Variants in PRDM5 observed in about 807,000 individuals in gnomAD.
The protein encoded by PRDM5 is PR/SET domain 5.
PRDM5 carries 56 observed loss-of-function variants against 81.2 expected under a neutral mutation model. That is an observed-to-expected ratio of 0.69 (90% CI 0.56 to 0.86). PRDM5 has a LOEUF of 0.86. Ranked by LOEUF, PRDM5 falls within the 40% of genes least tolerant of loss-of-function variation. The pLI is 0.00. For missense variants in PRDM5, 697 were observed against 770.1 expected (o/e 0.91, Z 1.12); for synonymous variants, 267 against 256.4 (o/e 1.04, Z -0.39).
In PRDM5 at chr4:120,746,250, A is replaced by AT. The variant is rs1210536167; in HGVS notation, c.1623+8302dup. The stretch of plus-strand genomic sequence containing the variant: ...GCCATATGTAGAAAGCTGAAACTGG[A>AT]TCCCTTCCTTACACCTTATACAAAA... On this transcript the variant is annotated intron_variant, in intron 14 of 15. Coordinates refer to ENST00000264808, the MANE Select transcript of PRDM5 (RefSeq NM_018699.4). 2.7e-3 allele frequency among the ~76,000 whole-genome samples: 358 copies of AT among 134,828 alleles called. 1 individual carries two copies. Among genetic ancestry groups the AT allele is most frequent in the African/African-American group, 9.7e-3 (340 of 35,042 alleles). The allele number at this position is 134,828 out of a possible 152,430, so 88.5% of individuals were successfully genotyped here.
At chr4:120,887,615 C>A (rs1252303171) in intron 2 of PRDM5, among the ~76,000 whole-genome samples, 1 of 152,128 alleles carries the variant, frequency 6.6e-6, no homozygotes, top group East Asian at 1.9e-4. Flanking sequence ...TAACCATTAG[C>A]CTAGCTGCTT....
chr4:120,868,914 C>T (rs1761488904), intron 2 of PRDM5, among the ~76,000 whole-genome samples: 1 of 152,116 alleles, frequency 6.6e-6, no homozygotes, highest in Non-Finnish European at 1.5e-5. Context: ...ATGTCACCTA[C>T]AATCTACTCA....
chr4:120,829,878 G>C (rs1756497926), intron 3 of PRDM5, among the ~76,000 whole-genome samples: 1 of 151,850 alleles, frequency 6.6e-6, no homozygotes. Context: ...AAAAGTCTCT[G>C]GACTGCTATC....
rs1019190731 is a variant in PRDM5 at position 120,731,717 on chromosome 4, C to T, written c.1624-21304G>A. On this transcript the variant is annotated intron_variant, in intron 14 of 15. Coordinates refer to ENST00000264808, the MANE Select transcript of PRDM5 (RefSeq NM_018699.4). Reference sequence around the variant, plus strand: ...GGCGTATCCTGTTACCTTCTCTTGCCTCCTCCTTCCTGTTGCCTGGAATGA... The same window carrying T: ...GGCGTATCCTGTTACCTTCTCTTGCTTCCTCCTTCCTGTTGCCTGGAATGA... The T allele has an allele frequency of 4.6e-5, 7 of 152,224 alleles. No homozygotes were observed. In the East Asian group the frequency reaches 1.2e-3, roughly 25 times the overall value. 9.4% of individuals were successfully genotyped at this position (152,224 alleles called of 1,614,324 possible). A position where few individuals can be genotyped will look rare whatever the true frequency, so the allele number is the denominator to read the frequency against.
At chr4:120,835,492 G>A (rs903951351) in intron 3 of PRDM5, among the ~76,000 whole-genome samples, 2 of 152,292 alleles carry the variant, frequency 1.3e-5, no homozygotes, top group East Asian at 3.9e-4. Context: ...GTTGTGGGAG[G>A]TAACTCATAG....
intron 12 of PRDM5, among the ~76,000 whole-genome samples, chr4:120,779,741 A>C (rs1748733526): frequency 6.6e-6 from 1 of 152,106 alleles, no homozygotes; most frequent in South Asian, 2.1e-4. Flanking sequence ...GTCTCTACTA[A>C]AAATACAAAA....
At chr4:120,711,955 A>AT (rs902945177) in intron 14 of PRDM5, among the ~76,000 whole-genome samples, 6 of 152,120 alleles carry the variant, frequency 3.9e-5, no homozygotes, top group Admixed American at 1.3e-4. Flanking sequence ...AGTGAGATCC[A>AT]TTTTTTTAAT....
At chr4:120,723,036 T>G (rs1182300194) in intron 14 of PRDM5, among the ~76,000 whole-genome samples, 1 of 152,182 alleles carries the variant, frequency 6.6e-6, no homozygotes, top group Non-Finnish European at 1.5e-5. Flanking sequence ...TTTGGTTAGT[T>G]TGGGATAAAA....
chr4:120,899,533 G>A (rs1175351491), intron 2 of PRDM5, among the ~76,000 whole-genome samples: 1 of 152,134 alleles, frequency 6.6e-6, no homozygotes, highest in African/African-American at 2.4e-5. Flanking sequence ...ATTATTGCAT[G>A]CTGTAGGGAT....
Position 120,781,184 on chromosome 4 carries a change from T to A in PRDM5, c.1402A>T (p.Lys468Ter). Residue 468 changes from lysine to a stop codon, truncating the protein, a stop_gained, in exon 12 of 16, where the codon AAG becomes TAG. Coordinates refer to ENST00000264808, the MANE Select transcript of PRDM5 (RefSeq NM_018699.4). LOFTEE classifies it high-confidence loss of function. ...HKKYRCELCN[K>*]AFVTPSVLRS... ...AGCACTGAAGGTGTAACAAAGGCCT[T>A]ATTACATAGCTCACACCTATACTTC... 1 of 1,613,534 alleles carries A rather than the reference T, an allele frequency of 6.2e-7. No homozygotes were observed. Among genetic ancestry groups the A allele is most frequent in the Non-Finnish European group, 8.5e-7 (1 of 1,179,614 alleles).
chr4:120,904,206 C>CA (rs1157460080), intron 2 of PRDM5, among the ~76,000 whole-genome samples: 1 of 108,244 alleles, frequency 9.2e-6, no homozygotes, highest in Non-Finnish European at 1.7e-5. Flanking sequence ...AAAAAAAAAA[C>CA]AAAAAAACCT....
At chr4:120,703,182 G>GTTTGGT (rs1374711518) in intron 15 of PRDM5, among the ~76,000 whole-genome samples, 2 of 151,468 alleles carry the variant, frequency 1.3e-5, no homozygotes, top group East Asian at 3.9e-4. Context: ...TTTGTTTTTT[G>GTTTGGT]TTTTGTTTTT....
intron 2 of PRDM5, among the ~76,000 whole-genome samples, chr4:120,882,684 G>A (rs1345225313): frequency 6.6e-6 from 1 of 152,000 alleles, no homozygotes; most frequent in Non-Finnish European, 1.5e-5. Context: ...ATCTACAAAG[G>A]TATTATTGGA....
chr4:120,883,523 T>C lies in PRDM5; in HGVS notation c.177+23951A>G, dbSNP rs1248026121. 4.8e-5 allele frequency among the ~76,000 whole-genome samples: 7 copies of C among 145,078 alleles called. No individual in the cohort carries two copies. In the East Asian group the frequency reaches 1.2e-3, roughly 25 times the overall value. On this transcript the variant is annotated intron_variant, in intron 2 of 15. Transcript: ENST00000264808. ...AGAATCCAAAATACTTATCTGAAAC[T>C]GGTTCTAAGAAGTTAACAAGGACAC...
chr4:120,723,296 C>A (rs528629550), intron 14 of PRDM5, among the ~76,000 whole-genome samples: 1 of 152,090 alleles, frequency 6.6e-6, no homozygotes, highest in African/African-American at 2.4e-5. Flanking sequence ...ACAAAGGAAG[C>A]CGAAAAAAAT....
At chr4:120,900,890 G>A (rs1765156528) in intron 2 of PRDM5, among the ~76,000 whole-genome samples, 1 of 152,006 alleles carries the variant, frequency 6.6e-6, no homozygotes, top group Non-Finnish European at 1.5e-5. Flanking sequence ...AAGGTAAAAA[G>A]ATTATATAGT....
At chr4:120,850,239 T>C (rs1467619455) in intron 3 of PRDM5, among the ~76,000 whole-genome samples, 1 of 152,140 alleles carries the variant, frequency 6.6e-6, no homozygotes, top group African/African-American at 2.4e-5. Flanking sequence ...AAATAAAAAA[T>C]TTCCTGAATA....
chr4:120,762,583 A>G lies in PRDM5; in HGVS notation c.1538-7945T>C, dbSNP rs542845028. 3 of 152,284 alleles carry G rather than the reference A, an allele frequency of 2.0e-5. No individual in the cohort carries two copies. In the East Asian group the frequency reaches 5.8e-4, roughly 29 times the overall value. The allele number at this position is 152,284 out of a possible 1,614,324, so 9.4% of individuals were successfully genotyped here. On this transcript the variant is annotated intron_variant, in intron 13 of 15. Coordinates refer to ENST00000264808, the MANE Select transcript of PRDM5 (RefSeq NM_018699.4). The stretch of plus-strand genomic sequence containing the variant: ...GTAATTGTGAAAGCACCACCCAATT[A>G]CTTTTCCAATCTCACCCTTCCAATC...
chr4:120,824,381 C>T (rs1006528417), intron 3 of PRDM5, among the ~76,000 whole-genome samples: 4 of 152,146 alleles, frequency 2.6e-5, no homozygotes, highest in African/African-American at 7.2e-5. Flanking sequence ...TGTATATACA[C>T]TTAAGATGAG....
Sources: allele counts gnomAD v4.1 joint callset (sites outside exome capture counted in the v4.1 genomes callset), GRCh38; gene constraint gnomAD v4.1.1; transcripts MANE v1.5; gene names NCBI Gene and HGNC (gene_info 2026-07-23, HGNC 2026-07-21).